Variants in PEPD observed in about 807,000 individuals in gnomAD.
The protein encoded by PEPD is xaa-Pro dipeptidase.
PEPD carries 53 observed loss-of-function variants against 60.7 expected under a neutral mutation model. The observed-to-expected ratio is 0.87, with a 90% CI of 0.70 to 1.10. PEPD has a LOEUF of 1.10. Ranked by LOEUF, PEPD falls within the 50% of genes least tolerant of loss-of-function variation. PEPD has a pLI of 0.00. For synonymous variants in PEPD, 267 were observed against 284.1 expected (o/e 0.94, Z 0.60); for missense variants, 711 against 711.9 (o/e 1.00, Z 0.01).
chr19:33,490,749 C>T (rs1253725843), intron 5 of PEPD, among the ~76,000 whole-genome samples: 1 of 152,166 alleles, frequency 6.6e-6, no homozygotes. Flanking sequence ...CCTCAGCCTC[C>T]ACCTCCCAAG....
intron 7 of PEPD, among the ~76,000 whole-genome samples, chr19:33,465,768 G>A (rs895794731): frequency 6.6e-6 from 1 of 151,994 alleles, no homozygotes; most frequent in South Asian, 2.1e-4. Flanking sequence ...GTCAAAGAGC[G>A]CATGACCCAC....
At chr19:33,426,591 G>C (rs965244052) in intron 9 of PEPD, among the ~76,000 whole-genome samples, 4 of 152,212 alleles carry the variant, frequency 2.6e-5, no homozygotes, top group East Asian at 1.9e-4. Context: ...TGTCCACATG[G>C]ACTCACAGCC....
intron 9 of PEPD, among the ~76,000 whole-genome samples, chr19:33,437,058 G>C (rs933651931): frequency 3.3e-5 from 5 of 152,186 alleles, no homozygotes; most frequent in Admixed American, 2.0e-4. Flanking sequence ...AGGCAGAGCA[G>C]CCAGTGCTCC....
intron 4 of PEPD, among the ~76,000 whole-genome samples, chr19:33,495,904 C>T (rs1970593494): frequency 1.3e-5 from 2 of 152,196 alleles, no homozygotes; most frequent in East Asian, 3.9e-4. Flanking sequence ...CCGCTTGAAC[C>T]TGGGAGGCAG....
intron 1 of PEPD, among the ~76,000 whole-genome samples, chr19:33,518,701 A>C (rs1434294758): frequency 6.6e-6 from 1 of 152,132 alleles, no homozygotes; most frequent in African/African-American, 2.4e-5. Flanking sequence ...CATTTCACCA[A>C]GCACCAATCA....
chr19:33,468,473 T>C (rs1970060471), intron 7 of PEPD, among the ~76,000 whole-genome samples: 1 of 152,232 alleles, frequency 6.6e-6, no homozygotes. Context: ...CCACCTGAGC[T>C]GGCCTCCATC....
At chr19:33,425,481 G>A (rs961534133) in intron 9 of PEPD, among the ~76,000 whole-genome samples, 1 of 152,124 alleles carries the variant, frequency 6.6e-6, no homozygotes, top group Non-Finnish European at 1.5e-5. Context: ...GCGAGCAGGG[G>A]CAAGGGGAGG....
intron 8 of PEPD, among the ~76,000 whole-genome samples, chr19:33,463,405 T>C (rs1600136689): frequency 6.6e-6 from 1 of 152,248 alleles, no homozygotes; most frequent in East Asian, 1.9e-4. Flanking sequence ...TTTGTTTAAC[T>C]TTCATAAAAC....
intron 1 of PEPD, among the ~76,000 whole-genome samples, chr19:33,517,876 A>G (rs1360071504): frequency 2.0e-5 from 3 of 151,812 alleles, no homozygotes; most frequent in African/African-American, 7.3e-5. Flanking sequence ...CTGAGGCAGG[A>G]GAACCACTTG....
intron 9 of PEPD, among the ~76,000 whole-genome samples, chr19:33,456,488 C>T (rs1375859046): frequency 6.6e-6 from 1 of 152,214 alleles, no homozygotes. Context: ...CCGTCTCCAA[C>T]AGCCAAGCAA....
intron 11 of PEPD, 67 bp downstream of exon 11, chr19:33,411,605 C>T (rs1875622370): frequency 3.4e-6 from 3 of 871,316 alleles, no homozygotes; most frequent in Non-Finnish European, 5.8e-6. Flanking sequence ...TCTGGGCCAT[C>T]TTGAAGTTGA....
intron 12 of PEPD, among the ~76,000 whole-genome samples, chr19:33,398,130 A>G (rs1005344898): frequency 2.6e-5 from 4 of 152,188 alleles, no homozygotes; most frequent in Admixed American, 6.5e-5. Context: ...TGCTGCGTCA[A>G]TCCGCCGCCC....
intron 9 of PEPD, among the ~76,000 whole-genome samples, chr19:33,459,976 G>A (rs925984865): frequency 2.0e-5 from 3 of 152,088 alleles, no homozygotes; most frequent in Admixed American, 1.3e-4. Context: ...ATAGAAGAGC[G>A]GCTGGTTTCC....
At chr19:33,448,008 C>T (rs931983603) in intron 9 of PEPD, among the ~76,000 whole-genome samples, 11 of 152,200 alleles carry the variant, frequency 7.2e-5, no homozygotes, top group Non-Finnish European at 1.3e-4. Flanking sequence ...TCATAAATTA[C>T]CTCCAGGCTT....
At chr19:33,401,914 C>T (rs201293790) in intron 11 of PEPD, 45 bp from the exon 12 acceptor site, 10 of 1,597,338 alleles carry the variant, frequency 6.3e-6, no homozygotes, top group South Asian at 1.1e-5. Context: ...GGGGTGCCAC[C>T]GCCCCCTTAC....
At chr19:33,441,935 G>T (rs1483366667) in intron 9 of PEPD, among the ~76,000 whole-genome samples, 1 of 152,260 alleles carries the variant, frequency 6.6e-6, no homozygotes, top group East Asian at 1.9e-4. Flanking sequence ...TAACTACCGG[G>T]TTGGAAGAAG....
chr19:33,498,505 G>A (rs928114262), intron 4 of PEPD, among the ~76,000 whole-genome samples: 1 of 152,194 alleles, frequency 6.6e-6, no homozygotes. Context: ...AAAAATGTCA[G>A]ACAGTGGCTG....
At chr19:33,403,737 G>A (rs924620924) in intron 11 of PEPD, among the ~76,000 whole-genome samples, 3 of 152,308 alleles carry the variant, frequency 2.0e-5, no homozygotes, top group African/African-American at 7.2e-5. Flanking sequence ...GTCCCCAGCC[G>A]GGCACTTTTT....
At chr19:33,500,097 G>A (rs1568504287) in intron 4 of PEPD, among the ~76,000 whole-genome samples, 1 of 152,234 alleles carries the variant, frequency 6.6e-6, no homozygotes, top group Non-Finnish European at 1.5e-5. Context: ...CTACAGGATG[G>A]CCCTGTCCAA....
Sources: allele counts gnomAD v4.1 joint callset (sites outside exome capture counted in the v4.1 genomes callset), GRCh38; gene constraint gnomAD v4.1.1; transcripts MANE v1.5; gene names NCBI Gene and HGNC (gene_info 2026-07-23, HGNC 2026-07-21).